The following NTNG1 variants were observed in gnomAD, a reference collection of about 807,000 sequenced individuals.
The protein encoded by NTNG1 is netrin-G1.
A neutral mutation model predicts 54.0 loss-of-function variants in NTNG1; 16 were observed. The ratio of observed to expected loss-of-function variants is 0.30; its 90% CI spans 0.20 to 0.45. The LOEUF (loss-of-function observed/expected upper bound fraction) is 0.45, where lower values mean the gene tolerates loss of function less well. Among genes scored for constraint, NTNG1 ranks in the 20% least tolerant of loss-of-function variants. The pLI is 1.00. For synonymous variants in NTNG1, 255 were observed against 263.1 expected (o/e 0.97, Z 0.30); for missense variants, 530 against 678.7 (o/e 0.78, Z 2.43).
intron 3 of NTNG1, among the ~76,000 whole-genome samples, chr1:107,325,437 C>T (rs558187781): frequency 2.0e-5 from 3 of 152,042 alleles, no homozygotes; most frequent in African/African-American, 4.8e-5. Context: ...AATTGGGACA[C>T]GCTCTACTTT....
intron 2 of NTNG1, among the ~76,000 whole-genome samples, chr1:107,270,297 A>G (rs746748957): frequency 6.6e-6 from 1 of 152,226 alleles, no homozygotes; most frequent in Non-Finnish European, 1.5e-5. Flanking sequence ...TAAGATATGA[A>G]AATCTCATTG....
intron 2 of NTNG1, among the ~76,000 whole-genome samples, chr1:107,300,633 T>A (rs2101801570): frequency 6.6e-6 from 1 of 152,322 alleles, no homozygotes; most frequent in East Asian, 1.9e-4. Context: ...ATCTGTTTTG[T>A]GATATCCAGA....
intron 2 of NTNG1, among the ~76,000 whole-genome samples, chr1:107,212,232 G>T (rs1418666432): frequency 6.6e-6 from 1 of 152,014 alleles, no homozygotes; most frequent in Non-Finnish European, 1.5e-5. Flanking sequence ...CTATGATATT[G>T]CTATTTTTAT....
At chr1:107,227,300 G>A (rs1425558593) in intron 2 of NTNG1, among the ~76,000 whole-genome samples, 1 of 152,052 alleles carries the variant, frequency 6.6e-6, no homozygotes. Flanking sequence ...ACTGGCTCTG[G>A]CACCCAGGAT....
intron 5 of NTNG1, among the ~76,000 whole-genome samples, chr1:107,420,850 T>C (rs1287109781): frequency 5.3e-5 from 8 of 151,990 alleles, no homozygotes; most frequent in Non-Finnish European, 1.2e-4. Flanking sequence ...ATTTAAATGG[T>C]AATGATTTTT....
chr1:107,428,992 C>T (rs554096543), intron 5 of NTNG1, among the ~76,000 whole-genome samples: 28 of 152,180 alleles, frequency 1.8e-4, no homozygotes, highest in Admixed American at 4.6e-4. Flanking sequence ...CTCAATGCCA[C>T]CTTCTCCCAG....
chr1:107,455,572 A>G lies in NTNG1; in HGVS notation c.1390+18773A>G, dbSNP rs114336482. On this transcript the variant is annotated intron_variant, in intron 7 of 7. Transcript: ENST00000370068. ...ATGCCTGACTCGCTCTGAGAGCCCA[A>G]TATTCTCAGACAGGCAGGGCAACCA... is the stretch of plus-strand genomic sequence containing the variant. 3,941 of 482,024 alleles carry G rather than the reference A, an allele frequency of 8.2e-3. 148 individuals are homozygous for G. Among genetic ancestry groups the G allele is most frequent in the African/African-American group, 0.07 (3,589 of 51,362 alleles). The allele number at this position is 482,024 out of a possible 1,614,324, so 29.9% of individuals were successfully genotyped here. A position where few individuals can be genotyped will look rare whatever the true frequency, so the allele number is the denominator to read the frequency against.
chr1:107,258,875 T>C (rs1464340768), intron 2 of NTNG1, among the ~76,000 whole-genome samples: 3 of 152,202 alleles, frequency 2.0e-5, no homozygotes, highest in Non-Finnish European at 2.9e-5. Flanking sequence ...TTGTTGTTGT[T>C]GCTGTTGTTG....
At chr1:107,180,785 T>A (rs1657003740) in intron 2 of NTNG1, among the ~76,000 whole-genome samples, 2 of 152,188 alleles carry the variant, frequency 1.3e-5, no homozygotes, top group Admixed American at 6.5e-5. Context: ...TAAAACATAA[T>A]AATTGCCTAG....
At chr1:107,345,718 T>C (rs568635739) in intron 3 of NTNG1, among the ~76,000 whole-genome samples, 8 of 152,260 alleles carry the variant, frequency 5.3e-5, no homozygotes, top group Non-Finnish European at 1.0e-4. Flanking sequence ...TTACCTCAAC[T>C]AATCCCCATA....
chr1:107,331,454 T>C (rs969160686), intron 3 of NTNG1, among the ~76,000 whole-genome samples: 3 of 152,154 alleles, frequency 2.0e-5, no homozygotes, highest in African/African-American at 7.2e-5. Context: ...TTGGGCTCAT[T>C]TGTCACATTG....
chr1:107,360,205 C>T (rs887942880), intron 3 of NTNG1, among the ~76,000 whole-genome samples: 4 of 152,052 alleles, frequency 2.6e-5, no homozygotes, highest in Non-Finnish European at 4.4e-5. Flanking sequence ...GAACTTGACA[C>T]ACCAAAACAA....
intron 2 of NTNG1, among the ~76,000 whole-genome samples, chr1:107,208,665 A>G (rs2101357609): frequency 6.6e-6 from 1 of 152,236 alleles, no homozygotes; most frequent in South Asian, 2.1e-4. Flanking sequence ...TGCACTTAGA[A>G]TCATCTCCCA....
chr1:107,202,142 T>A (rs1658804874), intron 2 of NTNG1, among the ~76,000 whole-genome samples: 1 of 151,864 alleles, frequency 6.6e-6, no homozygotes, highest in Admixed American at 6.6e-5. Context: ...TTTCATGTAA[T>A]TTTGCTTTAG....
At chr1:107,345,743 C>T (rs1016751316) in intron 3 of NTNG1, among the ~76,000 whole-genome samples, 6 of 152,080 alleles carry the variant, frequency 3.9e-5, no homozygotes, top group Non-Finnish European at 8.8e-5. Flanking sequence ...AAGTGTACTG[C>T]CTGCCCTAGA....
At position 107,321,672 on chromosome 1, in the gene NTNG1, C is replaced by A. The variant is rs146041134; in HGVS notation, c.247-2610C>A. On this transcript the variant is annotated intron_variant, in intron 2 of 7. Transcript: ENST00000370068. ...CTATGTAACTAGGTATTATGTGAAG[C>A]TAAACAAGGTTCTTAATTTCAAGGT... Among the ~76,000 whole-genome samples the A allele has an allele frequency of 1.7e-4, 26 of 152,176 alleles. 1 individual carries two copies. Among genetic ancestry groups the A allele is most frequent in the African/African-American group, 6.3e-4 (26 of 41,534 alleles).
At chr1:107,393,607 A>T (rs182329227) in intron 3 of NTNG1, among the ~76,000 whole-genome samples, 22 of 151,966 alleles carry the variant, frequency 1.4e-4, no homozygotes, top group African/African-American at 4.6e-4. Context: ...TAAACATTGT[A>T]ATAGACCCCC....
At chr1:107,306,587 C>A (rs1350991350) in intron 2 of NTNG1, among the ~76,000 whole-genome samples, 1 of 152,090 alleles carries the variant, frequency 6.6e-6, no homozygotes, top group African/African-American at 2.4e-5. Context: ...CCTGCCTCTA[C>A]TAAAAATAGA....
intron 2 of NTNG1, among the ~76,000 whole-genome samples, chr1:107,213,387 C>T (rs986472991): frequency 3.3e-5 from 5 of 152,172 alleles, no homozygotes; most frequent in Non-Finnish European, 7.3e-5. Context: ...TCCTGCCACG[C>T]TCTCTCCGCT....
Sources: allele counts gnomAD v4.1 joint callset (sites outside exome capture counted in the v4.1 genomes callset), GRCh38; gene constraint gnomAD v4.1.1; transcripts MANE v1.5; gene names NCBI Gene and HGNC (gene_info 2026-07-23, HGNC 2026-07-21).